The following NSD2 variants were observed in gnomAD, a reference collection of about 807,000 sequenced individuals.
NSD2 encodes histone-lysine N-methyltransferase NSD2.
In NSD2, 12 loss-of-function variants were observed where a neutral mutation model predicts 139.0. The ratio of observed to expected loss-of-function variants is 0.09; its 90% confidence interval spans 0.06 to 0.14. NSD2 has a LOEUF of 0.14. NSD2 is among the 10% of genes least tolerant of loss of function. The probability of loss-of-function intolerance (pLI) is 1.00; values close to 1 mark genes in which losing one functional copy is unlikely to be tolerated. For synonymous variants in NSD2, 669 were observed against 648.7 expected (o/e 1.03, Z -0.48); for missense variants, 1,155 against 1,745.0 (o/e 0.66, Z 6.02).
chr4:1,977,110 C>T (rs565926521), intron 21 of NSD2, among the ~76,000 whole-genome samples: 21 of 152,338 alleles, frequency 1.4e-4, no homozygotes, highest in African/African-American at 5.0e-4. Flanking sequence ...AATGGAGGGG[C>T]CCAGAGCCCC....
Position 1,976,615 on chromosome 4 carries a change from T to C in NSD2, c.3762T>C (p.Cys1254=), listed in dbSNP as rs1577588049. The change falls in exon 21 of 22, where the codon TGT becomes TGC. Residue 1254 remains cysteine (C), a synonymous_variant. Transcript: ENST00000508803. The surrounding 1 kb of genome is among the most constrained non-coding windows in gnomAD (Gnocchi z 5.3). The part of the protein sequence containing the change: ...RCGDGGQLVL[C]DRKFCTKAYH... ...GTGATGGCGGGCAGCTGGTGCTGTG[T>C]GACCGCAAGTTCTGCACCAAGGCCT... is the stretch of plus-strand genomic sequence containing the variant. 3 of 1,609,416 alleles carry C rather than the reference T, an allele frequency of 1.9e-6. No homozygotes were observed. Among genetic ancestry groups the C allele is most frequent in the South Asian group, 2.2e-5 (2 of 90,130 alleles).
rs1332712639 is a variant in NSD2, at chr4:1,895,599, G to A, written c.-29-5027G>A. Among the ~76,000 whole-genome samples the A allele has an allele frequency of 8.6e-5, 13 of 151,562 alleles. No homozygotes were observed. The East Asian group carries it at 2.1e-3, about 25-fold the overall frequency. ...GAAAACAGTAATTTCCTGTTCTCCT[G>A]TAGAAGACCTTCCATACTGTCCCAT... On this transcript the variant is annotated intron_variant, in intron 1 of 21. Coordinates refer to ENST00000508803, the MANE Select transcript of NSD2 (RefSeq NM_001042424.3).
Position 1,948,866 on chromosome 4 carries a change from T to C in NSD2, c.1882-2206T>C, listed in dbSNP as rs947783472. On this transcript the variant is annotated intron_variant, in intron 9 of 21. Coordinates refer to ENST00000508803, the MANE Select transcript of NSD2 (RefSeq NM_001042424.3). The surrounding 1 kb of genome is among the most constrained non-coding windows in gnomAD (Gnocchi z 4.5). The stretch of plus-strand genomic sequence containing the variant: ...CTGTCTTTCTCTCCATGCATTTTTT[T>C]TCTCATTTTTAAAGCTTTTTAAGTT... 1.5e-5 allele frequency: 15 copies of C among 972,768 alleles called. No individual in the cohort carries two copies. Among genetic ancestry groups the C allele is most frequent in the Non-Finnish European group, 1.7e-5 (14 of 808,520 alleles). The allele number at this position is 972,768 out of a possible 1,614,324, so 60.3% of individuals were successfully genotyped here. A position where few individuals can be genotyped will look rare whatever the true frequency, so the allele number is the denominator to read the frequency against.
In NSD2 at chr4:1,885,911, A is replaced by G. The variant is rs187930311; in HGVS notation, c.-30+14369A>G. Among the ~76,000 whole-genome samples, 426 of 152,278 alleles carry G rather than the reference A, an allele frequency of 2.8e-3. 5 individuals carry two copies. Among genetic ancestry groups the G allele is most frequent in the African/African-American group, 9.4e-3 (392 of 41,560 alleles). On this transcript the variant is annotated intron_variant, in intron 1 of 21. Coordinates refer to ENST00000508803, the MANE Select transcript of NSD2 (RefSeq NM_001042424.3). Reference sequence around the variant, plus strand: ...ATAAATTTTATTTCCAGAGATGTGCAATTTGACACATCATTATGGCAAAAT... The same window carrying G: ...ATAAATTTTATTTCCAGAGATGTGCGATTTGACACATCATTATGGCAAAAT...
At position 1,976,771 on chromosome 4, in the gene NSD2, C is replaced by T. The variant is rs1727126127; in HGVS notation, c.3826+92C>T. The T allele has an allele frequency of 4.4e-6, 6 of 1,360,438 alleles. No homozygotes were observed. Among genetic ancestry groups the T allele is most frequent in the Non-Finnish European group, 5.9e-6 (6 of 1,009,816 alleles). 84.3% of individuals were successfully genotyped at this position (1,360,438 alleles called of 1,614,324 possible). On this transcript the variant is annotated intron_variant, in intron 21 of 21. Transcript: ENST00000508803. The surrounding 1 kb of genome is among the most constrained non-coding windows in gnomAD (Gnocchi z 5.3). ...GCCGCTCTTCCTGCTGACCGGGCCT[C>T]ATCTGGGTGCAGGCACATCAGGCGC...
chr4:1,939,621 T>C (rs185470393), intron 8 of NSD2, 33 bp from the exon 9 acceptor site: 3 of 1,609,164 alleles, frequency 1.9e-6, no homozygotes, highest in Admixed American at 3.3e-5. Flanking sequence ...GGGTTTATGA[T>C]TTGAAACTTT....
intron 1 of NSD2, among the ~76,000 whole-genome samples, chr4:1,893,258 A>G (rs1715765295): frequency 6.6e-6 from 1 of 152,190 alleles, no homozygotes; most frequent in Non-Finnish European, 1.5e-5. Flanking sequence ...ACCTGAGGTC[A>G]GGAGTTCGAG....
chr4:1,955,402 G>C lies in NSD2; in HGVS notation c.2518+62G>C. ...CACACTCCCAGGAGCCACATATCAA[G>C]GCAGGCTCATTCCTTGTCTGCGCTG... is the stretch of plus-strand genomic sequence containing the variant. On this transcript the variant is annotated intron_variant, in intron 13 of 21. Transcript: ENST00000508803. This position sits in a 1 kb window ranked among gnomAD's most constrained non-coding sequence, Gnocchi z 4.7. The C allele has an allele frequency of 1.3e-6, 2 of 1,541,118 alleles. No homozygotes were observed. Among genetic ancestry groups the C allele is most frequent in the Non-Finnish European group, 1.8e-6 (2 of 1,140,724 alleles).
At chr4:1,978,518 T>C (rs1234587802) in intron 21 of NSD2, 120 bp from the exon 22 acceptor site, 3 of 1,412,710 alleles carry the variant, frequency 2.1e-6, no homozygotes, top group Admixed American at 2.2e-5. Context: ...TCCTGTTCGC[T>C]GGAGCCAGCA....
At position 1,980,042 on chromosome 4, in the gene NSD2, T is replaced by C. The variant is rs901189322; in HGVS notation, c.*1133T>C. 1 of 232,978 alleles carries C rather than the reference T, an allele frequency of 4.3e-6. No homozygotes were observed. Among genetic ancestry groups the C allele is most frequent in the Non-Finnish European group, 8.5e-6 (1 of 117,958 alleles). 14.4% of individuals were successfully genotyped at this position (232,978 alleles called of 1,614,324 possible). On this transcript the variant is annotated 3_prime_UTR_variant, in exon 22 of 22. Transcript: ENST00000508803. ...GTGGGTCTGGTGATGGAAGATGCAGTCTCTGCTGATCACATGTGCCCTCTG... is the reference window on the plus strand; with the variant it reads ...GTGGGTCTGGTGATGGAAGATGCAGCCTCTGCTGATCACATGTGCCCTCTG...
chr4:1,956,145 C>T lies in NSD2; in HGVS notation c.2838C>T (p.Ser946=), dbSNP rs774605113. 6.2e-7 allele frequency: 1 copy of T among 1,613,862 alleles called. No individual in the cohort carries two copies. The highest frequency in any genetic ancestry group is 8.5e-7 in the Non-Finnish European group (1 of 1,179,956). The change falls in exon 15 of 22, where the codon AGC becomes AGT. Residue 946 remains serine (S), a synonymous_variant. Coordinates refer to ENST00000508803, the MANE Select transcript of NSD2 (RefSeq NM_001042424.3). The surrounding 1 kb of genome is among the most constrained non-coding windows in gnomAD (Gnocchi z 5.3). ...VFPYMEGDRG[S]RYQGVRGIGR... ...CGTACATGGAGGGGGACCGGGGCAG[C>T]CGCTACCAGGGGGTCAGAGGGATCG...
intron 1 of NSD2, among the ~76,000 whole-genome samples, chr4:1,893,392 C>T (rs1359890095): frequency 6.6e-6 from 1 of 152,320 alleles, no homozygotes; most frequent in Non-Finnish European, 1.5e-5. Flanking sequence ...ATCACTTGAA[C>T]CCAGCGGCAG....
At chr4:1,951,247 C>CT in intron 10 of NSD2, 44 bp downstream of exon 10, 1 of 1,611,990 alleles carries the variant, frequency 6.2e-7, no homozygotes, top group South Asian at 1.1e-5. Flanking sequence ...TGGTGTCTGA[C>CT]TGGGGCCCCG....
At position 1,945,500 on chromosome 4, in the gene NSD2, C is replaced by CA. The variant is rs758152260; in HGVS notation, c.1882-5565dup. 2,034 of 1,063,686 alleles carry CA rather than the reference C, an allele frequency of 1.9e-3. 5 individuals carry two copies. The highest frequency in any genetic ancestry group is 2.9e-3 in the Admixed American group (54 of 18,688). 65.9% of individuals were successfully genotyped at this position (1,063,686 alleles called of 1,614,324 possible). A position where few individuals can be genotyped will look rare whatever the true frequency, so the allele number is the denominator to read the frequency against. On this transcript the variant is annotated intron_variant, in intron 9 of 21. Coordinates refer to ENST00000508803, the MANE Select transcript of NSD2 (RefSeq NM_001042424.3). The stretch of plus-strand genomic sequence containing the variant: ...ATAAATTAGCATCTAGTTCCAAAAC[C>CA]AAAAAAAGTGCCTGTGGATGTATAT...
rs1485361751 is a variant in NSD2, at chr4:1,951,454, A to C, written c.2013+251A>C. ...TACACATCATGTAATACACACACAC[A>C]CACACACACACACACACACACACAC... On this transcript the variant is annotated intron_variant, in intron 10 of 21. Coordinates refer to ENST00000508803, the MANE Select transcript of NSD2 (RefSeq NM_001042424.3). Among the ~76,000 whole-genome samples, 3 of 8,740 alleles carry C rather than the reference A, an allele frequency of 3.4e-4. 1 individual carries two copies. Among genetic ancestry groups the C allele is most frequent in the African/African-American group, 2.3e-4 (1 of 4,364 alleles). The allele number at this position is 8,740 out of a possible 152,430, so 5.7% of individuals were successfully genotyped here. A position where few individuals can be genotyped will look rare whatever the true frequency, so the allele number is the denominator to read the frequency against.
At chr4:1,922,671 A>T (rs1194274567) in intron 5 of NSD2, among the ~76,000 whole-genome samples, 1 of 152,232 alleles carries the variant, frequency 6.6e-6, no homozygotes, top group Non-Finnish European at 1.5e-5. Flanking sequence ...TACGCCTGTA[A>T]TCCCAGCACT....
chr4:1,918,558 C>T lies in NSD2; in HGVS notation c.1345C>T (p.Pro449Ser), dbSNP rs757593548. The T allele has an allele frequency of 4.3e-6, 7 of 1,613,846 alleles. No individual in the cohort carries two copies. In the South Asian group the frequency reaches 7.7e-5, roughly 18 times the overall value. Residue 449 changes from proline (P) to serine (S), a missense_variant, in exon 5 of 22, where the codon CCA becomes TCA. By Grantham distance (74) the Pro-to-Ser change is moderately conservative. Coordinates refer to ENST00000508803, the MANE Select transcript of NSD2 (RefSeq NM_001042424.3). ...PGRKKTTVSMPRSRKGDAASQ... is the reference protein window; with the variant it reads ...PGRKKTTVSMSRSRKGDAASQ... The stretch of plus-strand genomic sequence containing the variant: ...GAGGAAGAAGACCACAGTCTCCATG[C>T]CACGAAGCAGGAAGGGAGATGCAGC...
intron 3 of NSD2, among the ~76,000 whole-genome samples, chr4:1,911,587 C>CAAAAAAAAAAAAAAA (rs372660600): frequency 2.0e-3 from 83 of 41,944 alleles, no homozygotes; most frequent in Middle Eastern, 0.018. Flanking sequence ...GACGCCATCT[C>CAAAAAAAAAAAAAAA]AAAAAAAAAA....
chr4:1,909,695 C>G (rs1718407721), intron 3 of NSD2, among the ~76,000 whole-genome samples: 1 of 151,246 alleles, frequency 6.6e-6, no homozygotes, highest in Non-Finnish European at 1.5e-5. Flanking sequence ...GGCTGGAGTA[C>G]AGTGGTATGA....
Sources: gnomAD v4.1 joint callset for allele counts (sites outside exome capture counted in the v4.1 genomes callset) on GRCh38, gnomAD v4.1.1 for gene constraint, Gnocchi (gnomAD v3.1) non-coding constraint, MANE v1.5 for transcripts, NCBI Gene and HGNC (gene_info 2026-07-23, HGNC 2026-07-21) for gene names.